Variants in MYH14 observed in about 807,000 individuals in gnomAD.
MYH14 encodes myosin-14.
MYH14 carries 123 observed loss-of-function variants against 255.5 expected under a neutral mutation model. That is an observed-to-expected ratio of 0.48 (90% CI 0.42 to 0.56). MYH14 has a LOEUF of 0.56. Among genes scored for constraint, MYH14 ranks in the 20% least tolerant of loss-of-function variants. The pLI is 0.00. For missense variants in MYH14, 2,423 were observed against 2,802.3 expected (o/e 0.86, Z 3.06); for synonymous variants, 1,095 against 1,161.2 (o/e 0.94, Z 1.16).
At chr19:50,241,252 C>T (rs193277113) in intron 10 of MYH14, among the ~76,000 whole-genome samples, 218 of 152,146 alleles carry the variant, frequency 1.4e-3, no homozygotes, top group African/African-American at 4.6e-3. Context: ...CTGGCCAACA[C>T]GATGAAACCC....
rs757332816 is a variant in MYH14 at position 50,230,456 on chromosome 19, G to A, written c.875-69G>A. The A allele has an allele frequency of 1.5e-6, 2 of 1,377,730 alleles. No individual in the cohort carries two copies. Among genetic ancestry groups the A allele is most frequent in the African/African-American group, 1.4e-5 (1 of 69,566 alleles). The allele number at this position is 1,377,730 out of a possible 1,614,324, so 85.3% of individuals were successfully genotyped here. Reference sequence around the variant, plus strand: ...GAAGGGGGCAGCGTGGGCAGGGCAGGCTCCTGTAGTGGCCTGGCAGCGTCG... The same window carrying A: ...GAAGGGGGCAGCGTGGGCAGGGCAGACTCCTGTAGTGGCCTGGCAGCGTCG... On this transcript the variant is annotated intron_variant, in intron 8 of 42. Coordinates refer to ENST00000642316, the MANE Select transcript of MYH14 (RefSeq NM_001145809.2). The surrounding 1 kb of genome is among the most constrained non-coding windows in gnomAD (Gnocchi z 4.7).
rs372367091 is a variant in MYH14, at chr19:50,278,140, C to T, written c.3883C>T (p.Arg1295Trp). 6.5e-5 allele frequency: 104 copies of T among 1,604,514 alleles called. 1 individual carries two copies. The highest frequency in any genetic ancestry group is 2.4e-4 in the South Asian group (22 of 90,406). ...CCTGGAGGCCGAGGTGTCCGAGCTG[C>T]GGGCAGAACTGAGCAGCCTGCAGAC... ...LALEAEVSEL[R>W]AELSSLQTAR... Residue 1295 changes from arginine to tryptophan, a missense_variant, in exon 30 of 43, where the codon CGG becomes TGG. Physicochemically the swap from Arg to Trp is moderately radical, Grantham distance 101. This residue lies in a region of MYH14 where 1,513 missense variants were observed against 1,674.8 expected (regional missense o/e 0.90). Coordinates refer to ENST00000642316, the MANE Select transcript of MYH14 (RefSeq NM_001145809.2).
In MYH14 at chr19:50,310,316, G is replaced by A. The variant is rs1044791859; in HGVS notation, c.*526G>A. On this transcript the variant is annotated 3_prime_UTR_variant, in exon 43 of 43. Coordinates refer to ENST00000642316, the MANE Select transcript of MYH14 (RefSeq NM_001145809.2). ...GCCACTCTCCTTCCCCCATTTCTGCGTCCACCCCTGAACTCCTGAGCGACA... is the reference window on the plus strand; with the variant it reads ...GCCACTCTCCTTCCCCCATTTCTGCATCCACCCCTGAACTCCTGAGCGACA... The A allele has an allele frequency of 7.0e-5, 12 of 171,438 alleles. No homozygotes were observed. The highest frequency in any genetic ancestry group is 2.2e-4 in the African/African-American group (9 of 41,416). 10.6% of individuals were successfully genotyped at this position (171,438 alleles called of 1,614,324 possible). A position where few individuals can be genotyped will look rare whatever the true frequency, so the allele number is the denominator to read the frequency against.
At position 50,292,333 on chromosome 19, in the gene MYH14, C is replaced by T. The variant is rs1241538651; in HGVS notation, c.5200C>T (p.Arg1734Trp). 3.8e-6 allele frequency: 6 copies of T among 1,595,636 alleles called. No homozygotes were observed. Among genetic ancestry groups the T allele is most frequent in the Non-Finnish European group, 5.1e-6 (6 of 1,171,678 alleles). ...TSREEIFSQN[R>W]ESEKRLKGLE... is the part of the protein sequence containing the mutation. ...CCGGGAGGAGATCTTCTCCCAGAAT[C>T]GGGAAAGTGAAAAGCGCCTCAAGGG... The change falls in exon 37 of 43, where the codon CGG (arginine) becomes TGG (tryptophan). Residue 1734 changes from arginine (R) to tryptophan (W), a missense_variant. Arg to Trp is a moderately radical substitution (Grantham distance 101). Transcript: ENST00000642316.
intron 18 of MYH14, chr19:50,258,741 A>AAAAAAAAAAAAAAAAAAAAAAAAC (rs761216499): frequency 1.4e-5 from 2 of 145,608 alleles, no homozygotes; most frequent in African/African-American, 5.6e-5. Flanking sequence ...AAAAAAAAAA[A>AAAAAAAAAAAAAAAAAAAAAAAAC]AAACGAACAA....
At chr19:50,287,033 G>A (rs188438415) in intron 34 of MYH14, among the ~76,000 whole-genome samples, 5 of 152,030 alleles carry the variant, frequency 3.3e-5, no homozygotes, top group Non-Finnish European at 5.9e-5. Flanking sequence ...CAGGAGAATC[G>A]CTTGAATTCA....
At chr19:50,248,155 G>A (rs1476387154) in intron 12 of MYH14, among the ~76,000 whole-genome samples, 1 of 152,128 alleles carries the variant, frequency 6.6e-6, no homozygotes, top group Non-Finnish European at 1.5e-5. Flanking sequence ...TGAATCCACA[G>A]TCAGAAATGT....
intron 39 of MYH14, among the ~76,000 whole-genome samples, chr19:50,294,433 AATT>A (rs1568549257): frequency 5.7e-4 from 61 of 106,180 alleles, no homozygotes; most frequent in African/African-American, 1.8e-3. Context: ...GTTTTTTTCT[AATT>A]TTTTTTTTTT....
Position 50,276,958 on chromosome 19 carries a change from CG to C in MYH14, c.3825+61del. The C allele has an allele frequency of 7.0e-7, 1 of 1,422,076 alleles. No individual in the cohort carries two copies. The highest frequency in any genetic ancestry group is 9.6e-7 in the Non-Finnish European group (1 of 1,038,426). The allele number at this position is 1,422,076 out of a possible 1,614,324, so 88.1% of individuals were successfully genotyped here. On this transcript the variant is annotated intron_variant, in intron 29 of 42. Coordinates refer to ENST00000642316, the MANE Select transcript of MYH14 (RefSeq NM_001145809.2). The surrounding 1 kb of genome is among the most constrained non-coding windows in gnomAD (Gnocchi z 4.3). ...GCCACGGGGAGGGCAGGGCAGGACG[CG>C]GGGTTGGAGGAGGTACCGCTGGCTG...
At chr19:50,309,592 T>G in intron 42 of MYH14, 48 bp from the exon 43 acceptor site, 3 of 613,514 alleles carry the variant, frequency 4.9e-6, no homozygotes, top group East Asian at 5.7e-5. Context: ...TCTCCTCCCC[T>G]CCCCTCCCCT....
At chr19:50,268,015 G>A in intron 23 of MYH14, 146 bp from the exon 24 acceptor site, 1 of 961,414 alleles carries the variant, frequency 1.0e-6, no homozygotes, top group South Asian at 1.7e-5. Context: ...CTGAGGGGGA[G>A]GAGGTGGGGA....
In MYH14 at chr19:50,293,740, G is replaced by A. The variant is rs115392676; in HGVS notation, c.5469+53G>A. 5.9e-4 allele frequency: 884 copies of A among 1,498,008 alleles called. 4 individuals carry two copies. The African/African-American group carries it at 8.7e-3, about 15-fold the overall frequency. 92.8% of individuals were successfully genotyped at this position (1,498,008 alleles called of 1,614,324 possible). A position where few individuals can be genotyped will look rare whatever the true frequency, so the allele number is the denominator to read the frequency against. On this transcript the variant is annotated intron_variant, in intron 39 of 42. Transcript: ENST00000642316. This position sits in a 1 kb window ranked among gnomAD's most constrained non-coding sequence, Gnocchi z 4.1. ...CCTCAGTCCCCATTGACCTGGGACC[G>A]TAACCTTCAGTCCTCTTATTCAACA...
rs934199689 is a variant in MYH14, at chr19:50,266,037, A to G, written c.2695-840A>G. ...AAGGAGTCGGGGCAGAAAAGGAGAG[A>G]ATAGAAGGGATACAGAATTGGGTGG... On this transcript the variant is annotated intron_variant, in intron 22 of 42. Coordinates refer to ENST00000642316, the MANE Select transcript of MYH14 (RefSeq NM_001145809.2). The surrounding 1 kb of genome is among the most constrained non-coding windows in gnomAD (Gnocchi z 4.1). Among the ~76,000 whole-genome samples, 4 of 152,174 alleles carry G rather than the reference A, an allele frequency of 2.6e-5. No homozygotes were observed. The highest frequency in any genetic ancestry group is 4.4e-5 in the Non-Finnish European group (3 of 68,034).
chr19:50,271,798 G>T, intron 25 of MYH14, 51 bp from the exon 26 acceptor site: 2 of 1,608,694 alleles, frequency 1.2e-6, no homozygotes, highest in Non-Finnish European at 8.5e-7. Flanking sequence ...GGTAAGGGCT[G>T]CTCCTGGCCC....
Position 50,259,164 on chromosome 19 carries a change from G to GCTGGTGCTGGACCA in MYH14, c.2254_2267dup (p.Gln756HisfsTer39), listed in dbSNP as rs1157178482. The GCTGGTGCTGGACCA allele has an allele frequency of 6.4e-7, 1 of 1,559,356 alleles. No homozygotes were observed. ...CCCAGGCCGGGAAGCTGGAGCCACG[G>GCTGGTGCTGGACCA]CTGGTGCTGGACCAGCTTCGCTGCA... On this transcript the variant is annotated frameshift_variant, in exon 19 of 43. Coordinates refer to ENST00000642316, the MANE Select transcript of MYH14 (RefSeq NM_001145809.2). LOFTEE classifies it high-confidence loss of function.
Position 50,290,940 on chromosome 19 carries a change from C to G in MYH14, c.5019C>G (p.Ala1673=). ...RDEERKQRTL[A]VAARKKLEGE... ...AGGAGCGGAAGCAGCGCACTCTGGC[C>G]GTGGCTGCCCGCAAGAAGCTGGAGG... The change falls in exon 36 of 43, where the codon GCC becomes GCG. Residue 1673 remains alanine (A), a synonymous_variant. Coordinates refer to ENST00000642316, the MANE Select transcript of MYH14 (RefSeq NM_001145809.2). 3.1e-6 allele frequency: 5 copies of G among 1,592,512 alleles called. No homozygotes were observed. The highest frequency in any genetic ancestry group is 2.3e-5 in the South Asian group (2 of 87,410).
chr19:50,299,817 T>C (rs936823466), intron 39 of MYH14, among the ~76,000 whole-genome samples: 21 of 151,686 alleles, frequency 1.4e-4, no homozygotes, highest in African/African-American at 4.8e-4. Flanking sequence ...TGGTGGTGCG[T>C]GCCTGTAATC....
chr19:50,237,269 C>T (rs1261801964), intron 10 of MYH14, among the ~76,000 whole-genome samples: 4 of 151,992 alleles, frequency 2.6e-5, no homozygotes, highest in South Asian at 2.1e-4. Context: ...AATGATGAAC[C>T]GGTGACCTCT....
chr19:50,207,281 G>GAT (rs2031843938), intron 1 of MYH14, among the ~76,000 whole-genome samples: 2 of 144,468 alleles, frequency 1.4e-5, no homozygotes, highest in Non-Finnish European at 3.1e-5. Flanking sequence ...CAGAGAGAGA[G>GAT]AGAGAGAGAG....
Sources: gnomAD v4.1 joint callset for allele counts (sites outside exome capture counted in the v4.1 genomes callset) on GRCh38, gnomAD v4.1.1 for gene constraint, gnomAD v4.1.1 regional missense constraint, Gnocchi (gnomAD v3.1) non-coding constraint, MANE v1.5 for transcripts, NCBI Gene and HGNC (gene_info 2026-07-23, HGNC 2026-07-21) for gene names.